The following THAP9 variants were observed in gnomAD, a reference collection of about 807,000 sequenced individuals.
The protein encoded by THAP9 is DNA transposase THAP9.
THAP9 carries 20 observed loss-of-function variants against 35.7 expected under a neutral mutation model. The observed-to-expected ratio is 0.56, with a 90% CI of 0.39 to 0.81. The LOEUF (loss-of-function observed/expected upper bound fraction) is 0.81, where lower values mean the gene tolerates loss of function less well. Ranked by LOEUF, THAP9 falls within the 40% of genes least tolerant of loss-of-function variation. The pLI, the probability that THAP9 is intolerant of heterozygous loss-of-function variation, is 0.00. For synonymous variants in THAP9, 335 were observed against 373.7 expected, an observed-to-expected ratio of 0.90 and a Z score of 1.19; for missense variants, 870 against 1,047.4, an observed-to-expected ratio of 0.83 and a Z score of 2.34.
chr4:82,917,120 T>G lies in THAP9; in HGVS notation c.908T>G (p.Met303Arg). 3 of 1,613,396 alleles carry G rather than the reference T, an allele frequency of 1.9e-6. No homozygotes were observed. Among genetic ancestry groups the G allele is most frequent in the Non-Finnish European group, 2.5e-6 (3 of 1,179,618 alleles). Residue 303 changes from methionine to arginine, a missense_variant, in exon 5 of 5, where the codon ATG (methionine) becomes AGG (arginine). By Grantham distance (91) the Met-to-Arg change is moderately conservative (BLOSUM62 -1). Transcript: ENST00000302236. ...DPSSHSLQGF[M>R]DFGLGKLDAD... ...AGCAGTCACAGTTTGCAGGGGTTTATGGACTTTGGTCTTGGAAAACTTGAT... is the reference window on the plus strand; with the variant it reads ...AGCAGTCACAGTTTGCAGGGGTTTAGGGACTTTGGTCTTGGAAAACTTGAT...
At chr4:82,904,225 G>C (rs967855469) in intron 1 of THAP9, among the ~76,000 whole-genome samples, 6 of 151,666 alleles carry the variant, frequency 4.0e-5, no homozygotes, top group African/African-American at 1.5e-4. Context: ...CACCACGTCC[G>C]GCTAATTTTT....
intron 4 of THAP9, among the ~76,000 whole-genome samples, chr4:82,911,332 C>G (rs977970814): frequency 3.3e-5 from 5 of 151,728 alleles, no homozygotes; most frequent in Admixed American, 6.6e-5. Flanking sequence ...TGACTCATGC[C>G]TGTAATCCCA....
chr4:82,913,364 A>C (rs953681382), intron 4 of THAP9: 1 of 152,216 alleles, frequency 6.6e-6, no homozygotes, highest in African/African-American at 2.4e-5. Flanking sequence ...ATAAAATTAC[A>C]TAGGGACATT....
rs144183956 is a variant in THAP9 at position 82,907,075 on chromosome 4, C to T, written c.580+448C>T. 1.1e-3 allele frequency among the ~76,000 whole-genome samples: 168 copies of T among 152,238 alleles called. 1 individual carries two copies. Among genetic ancestry groups the T allele is most frequent in the African/African-American group, 3.9e-3 (163 of 41,572 alleles). On this transcript the variant is annotated intron_variant, in intron 3 of 4. Transcript: ENST00000302236. ...TGAGCTTGGAAATTGTGTATCTCCACATTTTTTTCTAAAATATTCTATAGA... is the reference window on the plus strand; with the variant it reads ...TGAGCTTGGAAATTGTGTATCTCCATATTTTTTTCTAAAATATTCTATAGA...
chr4:82,909,014 C>G (rs1318370150), intron 4 of THAP9, among the ~76,000 whole-genome samples: 1 of 152,092 alleles, frequency 6.6e-6, no homozygotes, highest in East Asian at 1.9e-4. Context: ...TCGACCCATT[C>G]TCCTGCCTCA....
At chr4:82,915,363 TCTC>T (rs1443189051) in intron 4 of THAP9, among the ~76,000 whole-genome samples, 3 of 152,082 alleles carry the variant, frequency 2.0e-5, no homozygotes, top group Non-Finnish European at 2.9e-5. Flanking sequence ...TTCAAGCACT[TCTC>T]CTGCCTCAGC....
In THAP9 at chr4:82,905,653, A is replaced by G. The variant is rs1035901885; in HGVS notation, c.277-671A>G. 1.2e-4 allele frequency among the ~76,000 whole-genome samples: 18 copies of G among 152,292 alleles called. 1 individual carries two copies. Among genetic ancestry groups the G allele is most frequent in the Admixed American group, 1.2e-3 (18 of 15,302 alleles). ...GAGCTTCCTATTAACTGATTTGTAC[A>G]TTTTTAACTGTCCTGAATTATCTTT... On this transcript the variant is annotated intron_variant, in intron 2 of 4. Coordinates refer to ENST00000302236, the MANE Select transcript of THAP9 (RefSeq NM_024672.6).
Position 82,918,862 on chromosome 4 carries a change from T to G in THAP9, c.2650T>G (p.Phe884Val), listed in dbSNP as rs1384367744. The G allele has an allele frequency of 6.2e-7, 1 of 1,612,724 alleles. No individual in the cohort carries two copies. Among genetic ancestry groups the G allele is most frequent in the Non-Finnish European group, 8.5e-7 (1 of 1,179,498 alleles). ...SSVQDYKCSS[F>V]ANTSSKFRHL... ...TGTACAGGATTATAAATGTTCAAGT[T>G]TTGCTAATACCAGTAGTAAATTCAG... The change falls in exon 5 of 5, where the codon TTT (phenylalanine) becomes GTT (valine). Residue 884 changes from phenylalanine to valine, a missense_variant. Coordinates refer to ENST00000302236, the MANE Select transcript of THAP9 (RefSeq NM_024672.6).
At chr4:82,901,272 C>A (rs1720351669) in intron 1 of THAP9, 4 of 436,092 alleles carry the variant, frequency 9.2e-6, no homozygotes, top group Non-Finnish European at 1.8e-5. Flanking sequence ...TCCTGTACTG[C>A]CTGACATTGC....
In THAP9 at chr4:82,918,147, C is replaced by G. The variant is rs746758346; in HGVS notation, c.1935C>G (p.Tyr645Ter). 3.7e-6 allele frequency: 6 copies of G among 1,614,030 alleles called. No homozygotes were observed. Among genetic ancestry groups the G allele is most frequent in the African/African-American group, 2.7e-5 (2 of 74,934 alleles). The change falls in exon 5 of 5, where the codon TAC becomes TAG. Residue 645 changes from tyrosine (Y) to a stop codon, truncating the protein, a stop_gained. Transcript: ENST00000302236. LOFTEE classifies it low-confidence loss of function (END_TRUNC). ...QKAYYNLETRYKFQDEVFLSK... is the reference protein window; with the variant it reads ...QKAYYNLETR Reference sequence around the variant, plus strand: ...CTTACTATAATTTGGAGACCAGATACAAATTTCAAGATGAAGTTTTTCTAA... The same window carrying G: ...CTTACTATAATTTGGAGACCAGATAGAAATTTCAAGATGAAGTTTTTCTAA...
At chr4:82,903,463 C>A (rs1256281237) in intron 1 of THAP9, 1 of 152,222 alleles carries the variant, frequency 6.6e-6, no homozygotes, top group Non-Finnish European at 1.5e-5. Context: ...CTCAAGTGAT[C>A]CGCCCGCCTC....
At position 82,907,734 on chromosome 4, in the gene THAP9, C is replaced by T. The variant is rs751112205; in HGVS notation, c.581-51C>T. Reference sequence around the variant, plus strand: ...TTATATCCAAATGCTATAATCTGTACCTGAAAATTTTACTATTCATCACAA... The same window carrying T: ...TTATATCCAAATGCTATAATCTGTATCTGAAAATTTTACTATTCATCACAA... On this transcript the variant is annotated intron_variant, in intron 3 of 4. Transcript: ENST00000302236. 3.6e-6 allele frequency: 5 copies of T among 1,372,092 alleles called. No individual in the cohort carries two copies. The African/African-American group carries it at 4.5e-5, about 12-fold the overall frequency. The allele number at this position is 1,372,092 out of a possible 1,614,324, so 85.0% of individuals were successfully genotyped here. A position where few individuals can be genotyped will look rare whatever the true frequency, so the allele number is the denominator to read the frequency against.
chr4:82,910,294 T>G (rs1173864475), intron 4 of THAP9: 1 of 152,270 alleles, frequency 6.6e-6, no homozygotes, highest in Non-Finnish European at 1.5e-5. Flanking sequence ...TTGTTTAGTA[T>G]GATAGTAATA....
chr4:82,909,140 C>T (rs910460861), intron 4 of THAP9, among the ~76,000 whole-genome samples: 23 of 143,564 alleles, frequency 1.6e-4, no homozygotes, highest in South Asian at 4.6e-4. Context: ...CTCCTGATCT[C>T]GTGATCCACC....
At chr4:82,911,588 C>T (rs1399752189) in intron 4 of THAP9, among the ~76,000 whole-genome samples, 1 of 151,650 alleles carries the variant, frequency 6.6e-6, no homozygotes, top group African/African-American at 2.4e-5. Flanking sequence ...AGCGAGATTC[C>T]GTCTCAGAAA....
At position 82,900,883 on chromosome 4, in the gene THAP9, G is replaced by C; in HGVS notation, c.80+1G>C. ...GGGAGCGCGGCCTCTCCTTCCACCA[G>C]TGCGTATGGGAGCAGCCTCGAAGCC... On this transcript the variant is annotated splice_donor_variant, in intron 1 of 4. Coordinates refer to ENST00000302236, the MANE Select transcript of THAP9 (RefSeq NM_024672.6). LOFTEE classifies it high-confidence loss of function. 1 of 1,613,284 alleles carries C rather than the reference G, an allele frequency of 6.2e-7. No individual in the cohort carries two copies. Among genetic ancestry groups the C allele is most frequent in the Non-Finnish European group, 8.5e-7 (1 of 1,179,962 alleles).
chr4:82,913,185 T>C (rs940830353), intron 4 of THAP9: 4 of 152,214 alleles, frequency 2.6e-5, no homozygotes, highest in Non-Finnish European at 4.4e-5. Context: ...ATATGCCTAC[T>C]CTTTCTTATA....
chr4:82,917,673 C>T lies in THAP9; in HGVS notation c.1461C>T (p.Ala487=), dbSNP rs542641839. Reference sequence around the variant, plus strand: ...CCCAACTCTTTAGTGAGAGTGTAGCCAGTGCATTAGAATATTTGTTATCCT... The same window carrying T: ...CCCAACTCTTTAGTGAGAGTGTAGCTAGTGCATTAGAATATTTGTTATCCT... The part of the protein sequence containing the change: ...SATQLFSESV[A]SALEYLLSLD... The change falls in exon 5 of 5, where the codon GCC becomes GCT. Residue 487 remains alanine, a synonymous_variant. Coordinates refer to ENST00000302236, the MANE Select transcript of THAP9 (RefSeq NM_024672.6). 6.8e-6 allele frequency: 11 copies of T among 1,612,868 alleles called. No individual in the cohort carries two copies. The highest frequency in any genetic ancestry group is 7.6e-6 in the Non-Finnish European group (9 of 1,179,386).
chr4:82,917,729 G>A lies in THAP9; in HGVS notation c.1517G>A (p.Gly506Asp). The change falls in exon 5 of 5, where the codon GGT (glycine) becomes GAT (aspartate). Residue 506 changes from glycine (G) to aspartate (D), a missense_variant. Around this residue, in one of 3 missense-constraint regions of THAP9, gnomAD observed 414 missense variants for 500.8 expected, o/e 0.83. Coordinates refer to ENST00000302236, the MANE Select transcript of THAP9 (RefSeq NM_024672.6). ...LDLPPFQNCIGTIHFLRLINN... is the reference protein window; with the variant it reads ...LDLPPFQNCIDTIHFLRLINN... ...CTGCCACCTTTTCAAAACTGTATTG[G>A]TACCATCCATTTTTTACGTTTAATT... The A allele has an allele frequency of 6.2e-7, 1 of 1,613,798 alleles. No individual in the cohort carries two copies. The highest frequency in any genetic ancestry group is 8.5e-7 in the Non-Finnish European group (1 of 1,179,896).
Sources: allele counts gnomAD v4.1 joint callset (sites outside exome capture counted in the v4.1 genomes callset), GRCh38; gene constraint gnomAD v4.1.1; regional missense constraint gnomAD v4.1.1; transcripts MANE v1.5; gene names NCBI Gene and HGNC (gene_info 2026-07-23, HGNC 2026-07-21).